The following MUC7 variants were observed in gnomAD, a reference collection of about 807,000 sequenced individuals.
MUC7 encodes the protein mucin 7, secreted, also known as mucin-7.
Under a neutral mutation model 2.5 loss-of-function variants are expected in MUC7, and 2 were observed. That is an observed-to-expected ratio of 0.81 (90% confidence interval 0.33 to 2.55). The LOEUF is 2.55. Ranked by LOEUF, MUC7 falls within the 30% of genes most tolerant of loss-of-function variation. MUC7 has a pLI of 0.11. For synonymous variants in MUC7, 133 were observed against 173.4 expected, an observed-to-expected ratio of 0.77 and a Z score of 1.83; for missense variants, 408 against 455.6, an observed-to-expected ratio of 0.90 and a Z score of 0.95.
intron 1 of MUC7, among the ~76,000 whole-genome samples, chr4:70,466,002 G>A (rs750586345): frequency 6.6e-6 from 1 of 152,154 alleles, no homozygotes; most frequent in South Asian, 2.1e-4. Flanking sequence ...CAGAGAGAAA[G>A]GTCAGGTTAC....
At position 70,482,228 on chromosome 4, in the gene MUC7, T is replaced by G. The variant is rs1057386473; in HGVS notation, c.*350T>G. The G allele has an allele frequency of 4.4e-6, 1 of 228,090 alleles. No homozygotes were observed. The highest frequency in any genetic ancestry group is 5.1e-5 in the Admixed American group (1 of 19,446). The allele number at this position is 228,090 out of a possible 1,614,324, so 14.1% of individuals were successfully genotyped here. On this transcript the variant is annotated 3_prime_UTR_variant, in exon 3 of 3. Transcript: ENST00000304887. ...TAGAAACTACAAAACCACTACCTTGTACCCCCATCAAAATCCCACCTGAAC... is the reference window on the plus strand; with the variant it reads ...TAGAAACTACAAAACCACTACCTTGGACCCCCATCAAAATCCCACCTGAAC...
intron 1 of MUC7, among the ~76,000 whole-genome samples, chr4:70,473,086 A>G (rs911354765): frequency 2.6e-5 from 4 of 152,170 alleles, no homozygotes; most frequent in Non-Finnish European, 5.9e-5. Flanking sequence ...ACTATGTACT[A>G]GGCATGATGA....
At chr4:70,438,016 T>A (rs1733904648) in intron 1 of MUC7, among the ~76,000 whole-genome samples, 1 of 152,230 alleles carries the variant, frequency 6.6e-6, no homozygotes, top group African/African-American at 2.4e-5. Flanking sequence ...AGAATATAAC[T>A]AATAATGCCT....
intron 1 of MUC7, among the ~76,000 whole-genome samples, chr4:70,464,121 G>C (rs376762769): frequency 1.3e-5 from 2 of 152,168 alleles, no homozygotes; most frequent in African/African-American, 4.8e-5. Context: ...AGGGTGGGGC[G>C]TCACCTTGCT....
At chr4:70,437,622 T>G (rs1204431350) in intron 1 of MUC7, among the ~76,000 whole-genome samples, 1 of 152,142 alleles carries the variant, frequency 6.6e-6, no homozygotes, top group African/African-American at 2.4e-5. Flanking sequence ...CCAGGTATAG[T>G]CACTTCATGG....
At chr4:70,470,989 A>T (rs1197834492), upstream of MUC7, among the ~76,000 whole-genome samples, 3 of 152,206 alleles carry the variant, frequency 2.0e-5, no homozygotes, top group Non-Finnish European at 4.4e-5. Context: ...GGCTCAAAGA[A>T]GTTAGCTAAC....
intron 1 of MUC7, among the ~76,000 whole-genome samples, chr4:70,434,941 T>C (rs894950575): frequency 7.9e-5 from 12 of 152,216 alleles, no homozygotes; most frequent in African/African-American, 2.9e-4. Context: ...AACATCTTTA[T>C]TTCTGCCTTC....
At chr4:70,445,328 A>G (rs1734104734) in intron 1 of MUC7, among the ~76,000 whole-genome samples, 2 of 152,196 alleles carry the variant, frequency 1.3e-5, no homozygotes, top group South Asian at 4.1e-4. Context: ...CAGCTGGTAT[A>G]TTAAACAAAA....
rs1733866848 is a variant in MUC7 at position 70,437,208 on chromosome 4, T to C, written c.-93+6521T>C. Among the ~76,000 whole-genome samples the C allele has an allele frequency of 2.6e-5, 4 of 152,314 alleles. No homozygotes were observed. In the East Asian group the frequency reaches 5.8e-4, roughly 22 times the overall value. On this transcript the variant is annotated intron_variant, in intron 1 of 3. Transcript: ENST00000413702. Reference sequence around the variant, plus strand: ...GTCTGTTCTCAGAGCTGGAATGCCGTGCTGGAAGAACCACTGCTCTCTTCA... The same window carrying C: ...GTCTGTTCTCAGAGCTGGAATGCCGCGCTGGAAGAACCACTGCTCTCTTCA...
chr4:70,475,000 C>T (rs1158704919), intron 2 of MUC7, among the ~76,000 whole-genome samples: 4 of 152,048 alleles, frequency 2.6e-5, no homozygotes, highest in East Asian at 1.9e-4. Context: ...ATGAACAGGC[C>T]GGGCGCGGTG....
At chr4:70,431,798 G>A (rs550028796) in intron 1 of MUC7, among the ~76,000 whole-genome samples, 8 of 151,942 alleles carry the variant, frequency 5.3e-5, no homozygotes, top group African/African-American at 1.2e-4. Flanking sequence ...TGCACAACGC[G>A]CAGGTTTCTT....
At chr4:70,460,240 G>T (rs1159332943) in intron 1 of MUC7, among the ~76,000 whole-genome samples, 2 of 152,154 alleles carry the variant, frequency 1.3e-5, no homozygotes, top group Non-Finnish European at 2.9e-5. Context: ...AAGTAGGATA[G>T]AAGATTAAAT....
chr4:70,431,087 T>C (rs1194500783), intron 1 of MUC7, among the ~76,000 whole-genome samples: 1 of 152,078 alleles, frequency 6.6e-6, no homozygotes, highest in African/African-American at 2.4e-5. Flanking sequence ...CTAGTTTACT[T>C]ACATTTTGGC....
At chr4:70,438,705 G>T (rs191373600) in intron 1 of MUC7, among the ~76,000 whole-genome samples, 1 of 151,892 alleles carries the variant, frequency 6.6e-6, no homozygotes, top group African/African-American at 2.4e-5. Context: ...TAATCCACCC[G>T]CCTCCACCTC....
At chr4:70,438,752 C>T (rs1733927439) in intron 1 of MUC7, among the ~76,000 whole-genome samples, 1 of 152,126 alleles carries the variant, frequency 6.6e-6, no homozygotes, top group Non-Finnish European at 1.5e-5. Flanking sequence ...GCCACCGCAC[C>T]TGGCCAGAAA....
In MUC7 at chr4:70,438,590, G is replaced by C. The variant is rs137970025; in HGVS notation, c.-93+7903G>C. Among the ~76,000 whole-genome samples the C allele has an allele frequency of 9.5e-4, 145 of 152,162 alleles. 3 individuals are homozygous for C. The East Asian group carries it at 0.016, about 16-fold the overall frequency. On this transcript the variant is annotated intron_variant, in intron 1 of 3. Transcript: ENST00000413702. Reference sequence around the variant, plus strand: ...TCCAGCCTCAGTCTTCCAAGTACCTGGGACTACGGGCATGCACCACCACAC... The same window carrying C: ...TCCAGCCTCAGTCTTCCAAGTACCTCGGACTACGGGCATGCACCACCACAC...
intron 1 of MUC7, among the ~76,000 whole-genome samples, chr4:70,453,159 G>A (rs1734322452): frequency 6.6e-6 from 1 of 152,014 alleles, no homozygotes; most frequent in Non-Finnish European, 1.5e-5. Flanking sequence ...CAAGAACCTG[G>A]GGCTCTGACA....
chr4:70,479,953 A>G (rs1301108174), intron 2 of MUC7, among the ~76,000 whole-genome samples: 1 of 152,208 alleles, frequency 6.6e-6, no homozygotes, highest in Non-Finnish European at 1.5e-5. Context: ...GAATTACAGT[A>G]GTGAGTTCCT....
intron 2 of MUC7, among the ~76,000 whole-genome samples, chr4:70,477,857 T>A (rs1735051184): frequency 6.6e-6 from 1 of 152,100 alleles, no homozygotes; most frequent in African/African-American, 2.4e-5. Context: ...AAATAAATAA[T>A]GAATGTGAAC....
Sources: allele counts gnomAD v4.1 joint callset (sites outside exome capture counted in the v4.1 genomes callset), GRCh38; gene constraint gnomAD v4.1.1; transcripts MANE v1.5; gene names NCBI Gene and HGNC (gene_info 2026-07-23, HGNC 2026-07-21).